Variants in CDH4 observed in about 807,000 individuals in gnomAD.
CDH4 encodes the protein cadherin-4.
In CDH4, 33 loss-of-function variants were observed where a neutral mutation model predicts 86.0. The ratio of observed to expected loss-of-function variants is 0.38; its 90% CI spans 0.29 to 0.51. The LOEUF (loss-of-function observed/expected upper bound fraction) is 0.51. CDH4 is among the 20% of genes least tolerant of loss of function. The pLI is 0.86. For synonymous variants in CDH4, 555 were observed against 549.4 expected, an observed-to-expected ratio of 1.01 and a Z score of -0.14; for missense variants, 1,114 against 1,307.4, an observed-to-expected ratio of 0.85 and a Z score of 2.28.
chr20:61,938,454 G>C lies in CDH4; in HGVS notation c.*1511G>C, dbSNP rs1046629623. Reference sequence around the variant, plus strand: ...GGCAGGCCCCACGTGGGGAAGCCTCGTGCTTGGTCAGCTTTCTGTCTCTCC... The same window carrying C: ...GGCAGGCCCCACGTGGGGAAGCCTCCTGCTTGGTCAGCTTTCTGTCTCTCC... On this transcript the variant is annotated 3_prime_UTR_variant, in exon 16 of 16. Coordinates refer to ENST00000614565, the MANE Select transcript of CDH4 (RefSeq NM_001794.5). The C allele has an allele frequency of 1.3e-5, 2 of 152,452 alleles. No homozygotes were observed. The highest frequency in any genetic ancestry group is 2.1e-4 in the South Asian group (1 of 4,838). The allele number at this position is 152,452 out of a possible 1,614,324, so 9.4% of individuals were successfully genotyped here.
rs1361404785 is a variant in CDH4 at position 61,582,199 on chromosome 20, C to T, written c.170-161364C>T. On this transcript the variant is annotated intron_variant, in intron 2 of 15. Coordinates refer to ENST00000614565, the MANE Select transcript of CDH4 (RefSeq NM_001794.5). This position sits in a 1 kb window ranked among gnomAD's most constrained non-coding sequence, Gnocchi z 4.2. ...CCCTCCCTGGTCATCCCAGGCCTGACCTCTGCAGCTTCTTCCTAATGCCGC... is the reference window on the plus strand; with the variant it reads ...CCCTCCCTGGTCATCCCAGGCCTGATCTCTGCAGCTTCTTCCTAATGCCGC... Among the ~76,000 whole-genome samples, 2 of 152,226 alleles carry T rather than the reference C, an allele frequency of 1.3e-5. No individual in the cohort carries two copies. The highest frequency in any genetic ancestry group is 3.9e-4 in the East Asian group (2 of 5,186).
At chr20:61,364,742 G>C (rs1051629867) in intron 2 of CDH4, among the ~76,000 whole-genome samples, 30 of 152,228 alleles carry the variant, frequency 2.0e-4, no homozygotes, top group African/African-American at 6.8e-4. Flanking sequence ...ATTAAAAGTA[G>C]TGAAATAGAT....
intron 2 of CDH4, among the ~76,000 whole-genome samples, chr20:61,272,770 G>A (rs1025738519): frequency 1.1e-4 from 16 of 150,400 alleles, no homozygotes; most frequent in African/African-American, 3.9e-4. Flanking sequence ...TGCGTAGTTT[G>A]GGGGAGTACT....
intron 2 of CDH4, among the ~76,000 whole-genome samples, chr20:61,530,989 A>G (rs1047165136): frequency 6.6e-6 from 1 of 152,152 alleles, no homozygotes; most frequent in South Asian, 2.1e-4. Flanking sequence ...AGGCCCCCAG[A>G]TGGGTGGGCC....
intron 2 of CDH4, among the ~76,000 whole-genome samples, chr20:61,705,534 G>A (rs1171396921): frequency 1.3e-5 from 2 of 152,156 alleles, no homozygotes; most frequent in Non-Finnish European, 2.9e-5. Context: ...TCGGCCCATG[G>A]CCATTCATGC....
intron 2 of CDH4, among the ~76,000 whole-genome samples, chr20:61,620,913 T>C (rs905810653): frequency 6.6e-6 from 1 of 152,256 alleles, no homozygotes; most frequent in African/African-American, 2.4e-5. Context: ...CCCAGACTGC[T>C]GAGAGGCGCT....
intron 3 of CDH4, among the ~76,000 whole-genome samples, chr20:61,758,478 T>C (rs1206214400): frequency 6.6e-6 from 1 of 152,124 alleles, no homozygotes; most frequent in Non-Finnish European, 1.5e-5. Context: ...CTCAAGGGCT[T>C]TCCCAGAATT....
At chr20:61,279,585 C>T (rs2084247835) in intron 2 of CDH4, among the ~76,000 whole-genome samples, 1 of 152,130 alleles carries the variant, frequency 6.6e-6, no homozygotes, top group Admixed American at 6.5e-5. Flanking sequence ...TAGAGCAGGT[C>T]ACCCTCAGTG....
At chr20:61,855,860 G>T (rs1402130911) in intron 6 of CDH4, among the ~76,000 whole-genome samples, 1 of 152,208 alleles carries the variant, frequency 6.6e-6, no homozygotes, top group Non-Finnish European at 1.5e-5. Context: ...CCAGGACTAT[G>T]TTGAGTGAAA....
intron 2 of CDH4, among the ~76,000 whole-genome samples, chr20:61,652,355 C>A (rs577849725): frequency 6.6e-6 from 1 of 151,142 alleles, no homozygotes; most frequent in South Asian, 2.1e-4. Context: ...CTAAATAGCA[C>A]GAGGCTTGGT....
At chr20:61,569,764 T>C (rs1223775745) in intron 2 of CDH4, among the ~76,000 whole-genome samples, 1 of 152,184 alleles carries the variant, frequency 6.6e-6, no homozygotes, top group Admixed American at 6.5e-5. Flanking sequence ...CGCCCTTTCA[T>C]CTCTTTAGTC....
At chr20:61,396,030 G>T (rs574180806) in intron 2 of CDH4, among the ~76,000 whole-genome samples, 7 of 152,252 alleles carry the variant, frequency 4.6e-5, no homozygotes, top group Non-Finnish European at 1.0e-4. Flanking sequence ...TGGATGTGGG[G>T]CCGCCAAATT....
intron 2 of CDH4, among the ~76,000 whole-genome samples, chr20:61,671,971 G>A (rs4925192): frequency 0.57 from 84,828 of 149,918 alleles, 23,945 homozygotes; most frequent in South Asian, 0.61. Context: ...TTGAATAAGC[G>A]GGTAGATAGA....
rs1167595389 is a variant in CDH4 at position 61,939,736 on chromosome 20, T to G, written c.*2793T>G. 4.6e-5 allele frequency: 7 copies of G among 152,288 alleles called. No individual in the cohort carries two copies. The highest frequency in any genetic ancestry group is 6.5e-5 in the Admixed American group (1 of 15,290). The allele number at this position is 152,288 out of a possible 1,614,324, so 9.4% of individuals were successfully genotyped here. A position where few individuals can be genotyped will look rare whatever the true frequency, so the allele number is the denominator to read the frequency against. On this transcript the variant is annotated 3_prime_UTR_variant, in exon 16 of 16. Transcript: ENST00000614565. ...CATGGTTTGGTTCCTTTAGGGAATT[T>G]TTGTTTTGCAAACAGGAGAAACCTG... is the stretch of plus-strand genomic sequence containing the variant.
chr20:61,587,857 G>A (rs115610132), intron 2 of CDH4, among the ~76,000 whole-genome samples: 2,382 of 152,230 alleles, frequency 0.016, 61 homozygotes, highest in African/African-American at 0.045. Context: ...AACTCAAAGT[G>A]TACAGTTCAA....
At chr20:61,936,664 GC>G in intron 15 of CDH4, 72 bp from the exon 16 acceptor site, 4 of 1,289,890 alleles carry the variant, frequency 3.1e-6, no homozygotes, top group Non-Finnish European at 4.1e-6. Flanking sequence ...TCTGGGCCTC[GC>G]TTTCCGTTCC....
intron 3 of CDH4, among the ~76,000 whole-genome samples, chr20:61,758,102 G>A (rs540402227): frequency 3.9e-5 from 6 of 152,342 alleles, no homozygotes; most frequent in Non-Finnish European, 8.8e-5. Flanking sequence ...ATGCGGTTTG[G>A]CAAATGCTGT....
chr20:61,850,895 G>A (rs1371901027), intron 5 of CDH4, among the ~76,000 whole-genome samples: 4 of 152,356 alleles, frequency 2.6e-5, no homozygotes, highest in East Asian at 1.9e-4. Context: ...CACAGGCCAC[G>A]GGCAGAGGCG....
intron 2 of CDH4, among the ~76,000 whole-genome samples, chr20:61,629,377 A>T (rs1000268297): frequency 7.1e-6 from 1 of 140,294 alleles, no homozygotes; most frequent in Non-Finnish European, 1.5e-5. Flanking sequence ...GAGCTCACTG[A>T]TGCCAGAAAT....
Sources: allele counts gnomAD v4.1 joint callset (sites outside exome capture counted in the v4.1 genomes callset), GRCh38; gene constraint gnomAD v4.1.1; non-coding constraint Gnocchi (gnomAD v3.1); transcripts MANE v1.5; gene names NCBI Gene and HGNC (gene_info 2026-07-23, HGNC 2026-07-21).